The following RBFOX1 variants were observed in gnomAD, a reference collection of about 807,000 sequenced individuals.
RBFOX1 encodes RNA binding protein fox-1 homolog 1.
In RBFOX1, 8 loss-of-function variants were observed where a neutral mutation model predicts 57.7. That is an observed-to-expected ratio of 0.14 (90% CI 0.08 to 0.25). RBFOX1 has a LOEUF of 0.25. RBFOX1 is among the 10% of genes least tolerant of loss of function. The probability of loss-of-function intolerance (pLI) is 1.00; values close to 1 mark genes in which losing one functional copy is unlikely to be tolerated. For missense variants in RBFOX1, 611 were observed against 548.5 expected (o/e 1.11, Z -1.14); for synonymous variants, 326 against 222.4 (o/e 1.47, Z -4.15).
chr16:6,711,995 A>T (rs548810946), intron 3 of RBFOX1, among the ~76,000 whole-genome samples: 2 of 152,158 alleles, frequency 1.3e-5, no homozygotes, highest in Non-Finnish European at 2.9e-5. Flanking sequence ...CGTTTTAGTG[A>T]TTTTGTTATC....
chr16:7,512,047 C>G (rs1363841811), intron 4 of RBFOX1, among the ~76,000 whole-genome samples: 1 of 152,136 alleles, frequency 6.6e-6, no homozygotes, highest in Non-Finnish European at 1.5e-5. Context: ...TAGGAACACC[C>G]ACAAGCACCC....
chr16:5,774,254 C>T (rs1367701393), intron 3 of RBFOX1, among the ~76,000 whole-genome samples: 1 of 152,138 alleles, frequency 6.6e-6, no homozygotes, highest in East Asian at 1.9e-4. Flanking sequence ...GACAGACAGA[C>T]AGACAGAGAC....
At chr16:6,780,153 ATATATATTTATATATTTT>A (rs1457695521) in intron 3 of RBFOX1, among the ~76,000 whole-genome samples, 1 of 36,802 alleles carries the variant, frequency 2.7e-5, no homozygotes, top group African/African-American at 1.9e-4. Context: ...ATATATTTAT[ATATATATTTATATATTTT>A]TATATATTTA....
chr16:5,634,310 C>A (rs551123633), intron 3 of RBFOX1, among the ~76,000 whole-genome samples: 1 of 152,172 alleles, frequency 6.6e-6, no homozygotes, highest in Admixed American at 6.5e-5. Flanking sequence ...TTTCTCCATA[C>A]TTTATACAGA....
intron 12 of RBFOX1, among the ~76,000 whole-genome samples, chr16:7,658,404 A>T (rs1200585395): frequency 6.6e-6 from 1 of 152,142 alleles, no homozygotes; most frequent in Non-Finnish European, 1.5e-5. Context: ...AGAGCAGAGT[A>T]GAGTTTTCCT....
intron 3 of RBFOX1, among the ~76,000 whole-genome samples, chr16:5,749,308 C>T (rs1475669575): frequency 6.6e-6 from 1 of 152,132 alleles, no homozygotes; most frequent in Non-Finnish European, 1.5e-5. Context: ...TTTTTTCCTT[C>T]ATTTCAACTT....
chr16:5,974,581 G>A (rs766498942), intron 4 of RBFOX1, among the ~76,000 whole-genome samples: 2 of 152,146 alleles, frequency 1.3e-5, no homozygotes, highest in Non-Finnish European at 2.9e-5. Context: ...TTGCACTTGA[G>A]CCTGGGCGAC....
chr16:6,809,221 T>C (rs1395245721), intron 3 of RBFOX1, among the ~76,000 whole-genome samples: 1 of 152,152 alleles, frequency 6.6e-6, no homozygotes, highest in African/African-American at 2.4e-5. Context: ...TACGCTGGAG[T>C]CTCTGAATCT....
chr16:6,708,977 T>G (rs2063271848), intron 3 of RBFOX1, among the ~76,000 whole-genome samples: 1 of 134,478 alleles, frequency 7.4e-6, no homozygotes, highest in Admixed American at 8.3e-5. Flanking sequence ...TCAGCAAGCT[T>G]TTCTTTTTTT....
At chr16:6,602,389 A>G (rs2097863628) in intron 2 of RBFOX1, among the ~76,000 whole-genome samples, 1 of 152,142 alleles carries the variant, frequency 6.6e-6, no homozygotes, top group Non-Finnish European at 1.5e-5. Context: ...GTTTATAAGG[A>G]AAACAGCAAA....
rs1789707408 is a variant in RBFOX1, at chr16:6,874,537, A to AT, written c.-15-177520_-15-177519insT. Among the ~76,000 whole-genome samples the AT allele has an allele frequency of 2.3e-5, 3 of 132,746 alleles. No homozygotes were observed. The Admixed American group carries it at 2.3e-4, about 10-fold the overall frequency. The allele number at this position is 132,746 out of a possible 152,430, so 87.1% of individuals were successfully genotyped here. ...AAAAAAAAAAAAAAAAAAAAAAAAA[A>AT]ATGAAATAATGGCATTCGCAACAAC... On this transcript the variant is annotated intron_variant, in intron 3 of 15. Coordinates refer to ENST00000550418, the MANE Select transcript of RBFOX1 (RefSeq NM_018723.4).
chr16:6,802,442 C>T (rs137880839), intron 3 of RBFOX1, among the ~76,000 whole-genome samples: 1,975 of 152,172 alleles, frequency 0.013, 52 homozygotes, highest in African/African-American at 0.045. Flanking sequence ...TTTGGGAGGC[C>T]GAGGTGGGCA....
At chr16:7,206,497 A>G (rs2090002847) in intron 4 of RBFOX1, among the ~76,000 whole-genome samples, 1 of 151,782 alleles carries the variant, frequency 6.6e-6, no homozygotes, top group Non-Finnish European at 1.5e-5. Flanking sequence ...GCACACACAC[A>G]CACATATATT....
chr16:6,646,785 C>T (rs1470419896), intron 2 of RBFOX1, among the ~76,000 whole-genome samples: 3 of 152,066 alleles, frequency 2.0e-5, no homozygotes, highest in Non-Finnish European at 4.4e-5. Context: ...GTTTAGGTTG[C>T]TTAGCAGACA....
chr16:5,642,390 C>T (rs1308128253), intron 3 of RBFOX1, among the ~76,000 whole-genome samples: 1 of 152,298 alleles, frequency 6.6e-6, no homozygotes, highest in East Asian at 1.9e-4. Context: ...GTTGATACGT[C>T]TTAAAAGAGG....
At chr16:6,812,530 C>G (rs542909730) in intron 3 of RBFOX1, among the ~76,000 whole-genome samples, 1 of 151,968 alleles carries the variant, frequency 6.6e-6, no homozygotes, top group Non-Finnish European at 1.5e-5. Context: ...CATGACACCA[C>G]GCCCAGCTAA....
At chr16:6,914,698 A>G (rs750256261) in intron 3 of RBFOX1, among the ~76,000 whole-genome samples, 1 of 152,200 alleles carries the variant, frequency 6.6e-6, no homozygotes, top group Non-Finnish European at 1.5e-5. Context: ...ACATAGCAAG[A>G]TCCCATCTGT....
chr16:7,236,756 A>T (rs1311421598), intron 4 of RBFOX1, among the ~76,000 whole-genome samples: 1 of 152,102 alleles, frequency 6.6e-6, no homozygotes, highest in Non-Finnish European at 1.5e-5. Context: ...TGAATTATTC[A>T]GCAGTCATTA....
At chr16:7,315,755 T>G (rs2096424026) in intron 4 of RBFOX1, among the ~76,000 whole-genome samples, 1 of 152,080 alleles carries the variant, frequency 6.6e-6, no homozygotes, top group Non-Finnish European at 1.5e-5. Context: ...CACTTTACAT[T>G]TATATTGTAC....
Sources: gnomAD v4.1 joint callset for allele counts (sites outside exome capture counted in the v4.1 genomes callset) on GRCh38, gnomAD v4.1.1 for gene constraint, MANE v1.5 for transcripts, NCBI Gene and HGNC (gene_info 2026-07-23, HGNC 2026-07-21) for gene names.